Variants in LRIG1 observed in about 807,000 individuals in gnomAD.
The protein encoded by LRIG1 is leucine rich repeats and immunoglobulin like domains 1, also known as leucine-rich repeats and immunoglobulin-like domains protein 1.
A neutral mutation model predicts 99.2 loss-of-function variants in LRIG1; 48 were observed. The observed-to-expected ratio is 0.48, with a 90% CI of 0.38 to 0.62. LRIG1 has a LOEUF of 0.62. Among genes scored for constraint, LRIG1 ranks in the 20% least tolerant of loss-of-function variants. LRIG1 has a pLI of 0.00. For missense variants in LRIG1, 1,646 were observed against 1,434.4 expected (o/e 1.15, Z -2.38); for synonymous variants, 772 against 596.1 (o/e 1.29, Z -4.30).
rs371622760 is a variant in LRIG1, at chr3:66,413,033, C to G, written c.648-19G>C. 2,164 of 1,614,070 alleles carry G rather than the reference C, an allele frequency of 1.3e-3. 6 individuals are homozygous for G. The highest frequency in any genetic ancestry group is 1.7e-3 in the Non-Finnish European group (2,008 of 1,179,936). The stretch of plus-strand genomic sequence containing the variant: ...GAGGTCCCTAAAGAGATGAAGCCAG[C>G]AGGGTCAGAGTGTCTTATGTGCATA... On this transcript the variant is annotated intron_variant, in intron 5 of 18. Coordinates refer to ENST00000273261, the MANE Select transcript of LRIG1 (RefSeq NM_015541.3).
intron 2 of LRIG1, among the ~76,000 whole-genome samples, 166 bp downstream of exon 2, chr3:66,462,272 G>A (rs1260517576): frequency 2.0e-5 from 3 of 152,198 alleles, no homozygotes; most frequent in Non-Finnish European, 4.4e-5. Context: ...TACAGTAAGG[G>A]AGAGATAAGC....
At chr3:66,462,369 C>A (rs1196219838) in intron 2 of LRIG1, 69 bp downstream of exon 2, 5 of 1,126,628 alleles carry the variant, frequency 4.4e-6, no homozygotes, top group Non-Finnish European at 6.7e-6. Context: ...AGCGATGCTG[C>A]AATACAAGAG....
Position 66,431,835 on chromosome 3 carries a change from A to T in LRIG1, c.366-14569T>A, listed in dbSNP as rs966512333. On this transcript the variant is annotated intron_variant, in intron 3 of 18. Coordinates refer to ENST00000273261, the MANE Select transcript of LRIG1 (RefSeq NM_015541.3). Reference sequence around the variant, plus strand: ...GTCTGCAGCACTCACACACCTGGAGACTGTCCATGCCACCATGCTAAACCA... The same window carrying T: ...GTCTGCAGCACTCACACACCTGGAGTCTGTCCATGCCACCATGCTAAACCA... Among the ~76,000 whole-genome samples, 4 of 152,120 alleles carry T rather than the reference A, an allele frequency of 2.6e-5. No homozygotes were observed. In the South Asian group the frequency reaches 8.3e-4, roughly 32 times the overall value.
chr3:66,380,355 T>C lies in LRIG1; in HGVS notation c.3190A>G (p.Lys1064Glu). Residue 1064 changes from lysine (K) to glutamate (E), a missense_variant, in exon 19 of 19, where the codon AAA becomes GAA. Physicochemically the swap from Lys to Glu is moderately conservative, Grantham distance 56. Transcript: ENST00000273261. ...YLLVSNGHLP[K>E]ACDASPESTP... ...GACTCGGGACTGGCGTCACATGCTTTGGGGAGGTGGCCATTGGAAACAAGC... is the reference window on the plus strand; with the variant it reads ...GACTCGGGACTGGCGTCACATGCTTCGGGGAGGTGGCCATTGGAAACAAGC... The C allele has an allele frequency of 1.2e-6, 2 of 1,614,168 alleles. No individual in the cohort carries two copies. The highest frequency in any genetic ancestry group is 1.7e-6 in the Non-Finnish European group (2 of 1,180,020).
chr3:66,384,289 T>TA lies in LRIG1; in HGVS notation c.1790-18dup. 1 of 1,603,746 alleles carries TA rather than the reference T, an allele frequency of 6.2e-7. No individual in the cohort carries two copies. The highest frequency in any genetic ancestry group is 8.5e-7 in the Non-Finnish European group (1 of 1,172,164). ...ATGGCAACACTGGAAAACATACGTA[T>TA]ACAGGGTCGGGTTACGGGACAGCTA... On this transcript the variant is annotated splice_polypyrimidine_tract_variant and intron_variant, in intron 13 of 18. Transcript: ENST00000273261.
At chr3:66,395,538 AGAAAT>A (rs1395961225) in intron 11 of LRIG1, among the ~76,000 whole-genome samples, 5 of 152,242 alleles carry the variant, frequency 3.3e-5, no homozygotes, top group African/African-American at 1.2e-4. Flanking sequence ...TTCCAAAAAC[AGAAAT>A]AACTTATCTC....
chr3:66,490,181 T>C (rs979259036), intron 1 of LRIG1, among the ~76,000 whole-genome samples: 3 of 151,518 alleles, frequency 2.0e-5, no homozygotes, highest in African/African-American at 7.3e-5. Context: ...AAGCAAAGAG[T>C]CCTACACAGA....
At chr3:66,433,564 T>C (rs924868379) in intron 3 of LRIG1, among the ~76,000 whole-genome samples, 1 of 152,274 alleles carries the variant, frequency 6.6e-6, no homozygotes, top group Admixed American at 6.5e-5. Flanking sequence ...ATACCACTGA[T>C]GTGCCTTTAA....
At chr3:66,401,202 TTA>T (rs1376898752) in intron 9 of LRIG1, among the ~76,000 whole-genome samples, 1 of 152,248 alleles carries the variant, frequency 6.6e-6, no homozygotes, top group African/African-American at 2.4e-5. Context: ...TCTGAAACTT[TTA>T]TTTTAAAACA....
chr3:66,418,339 C>A (rs749542947), intron 3 of LRIG1, among the ~76,000 whole-genome samples: 1 of 152,184 alleles, frequency 6.6e-6, no homozygotes, highest in South Asian at 2.1e-4. Context: ...ATGATCCACC[C>A]GCCTTGGCCT....
chr3:66,424,356 CCCCCATGAAGG>C (rs1702911931), intron 3 of LRIG1, among the ~76,000 whole-genome samples: 1 of 152,148 alleles, frequency 6.6e-6, no homozygotes, highest in Non-Finnish European at 1.5e-5. Flanking sequence ...CTAGGTCTCC[CCCCCATGAAGG>C]TTAGAGTAAA....
At chr3:66,473,493 C>A (rs1175940149) in intron 1 of LRIG1, among the ~76,000 whole-genome samples, 1 of 152,208 alleles carries the variant, frequency 6.6e-6, no homozygotes, top group Non-Finnish European at 1.5e-5. Context: ...ATCTATAAAG[C>A]TCATATAAAA....
rs557573054 is a variant in LRIG1 at position 66,440,018 on chromosome 3, GA to G, written c.365+11540del. ...TCCCCTCCACCTGGTGAGAAAGAAAGAGGGGGAAAAAAAGGAGTGGAGGGAG... is the reference window on the plus strand; with the variant it reads ...TCCCCTCCACCTGGTGAGAAAGAAAGGGGGGAAAAAAAGGAGTGGAGGGAG... On this transcript the variant is annotated intron_variant, in intron 3 of 18. Coordinates refer to ENST00000273261, the MANE Select transcript of LRIG1 (RefSeq NM_015541.3). 3.7e-3 allele frequency among the ~76,000 whole-genome samples: 549 copies of G among 146,720 alleles called. 2 individuals carry two copies. Among genetic ancestry groups the G allele is most frequent in the African/African-American group, 0.014 (522 of 36,228 alleles).
At chr3:66,457,877 T>C (rs936934783) in intron 2 of LRIG1, among the ~76,000 whole-genome samples, 5 of 152,160 alleles carry the variant, frequency 3.3e-5, no homozygotes, top group Admixed American at 6.5e-5. Context: ...CTGGAGAACA[T>C]GGGTCAAGTT....
chr3:66,381,384 G>T, intron 17 of LRIG1, 95 bp downstream of exon 17: 1 of 1,269,284 alleles, frequency 7.9e-7, no homozygotes, highest in East Asian at 2.3e-5. Flanking sequence ...GACAGCTGTG[G>T]ACTAGGAATG....
rs546378829 is a variant in LRIG1, at chr3:66,416,388, C to T, written c.503+741G>A. On this transcript the variant is annotated intron_variant, in intron 4 of 18. Coordinates refer to ENST00000273261, the MANE Select transcript of LRIG1 (RefSeq NM_015541.3). The stretch of plus-strand genomic sequence containing the variant: ...GACCCCTAAACCAGCCTTGCGAATG[C>T]GTTCCAAAGTTAACTCTGGAACAGT... Among the ~76,000 whole-genome samples, 43 of 152,334 alleles carry T rather than the reference C, an allele frequency of 2.8e-4. No individual in the cohort carries two copies. The East Asian group carries it at 5.0e-3, about 18-fold the overall frequency.
At chr3:66,474,253 T>C (rs1292888694) in intron 1 of LRIG1, among the ~76,000 whole-genome samples, 2 of 152,108 alleles carry the variant, frequency 1.3e-5, no homozygotes, top group Non-Finnish European at 2.9e-5. Context: ...TGAAAATGAC[T>C]AGGCCACAAC....
chr3:66,421,041 C>T (rs1220482329), intron 3 of LRIG1, among the ~76,000 whole-genome samples: 1 of 152,154 alleles, frequency 6.6e-6, no homozygotes, highest in African/African-American at 2.4e-5. Flanking sequence ...TCTTATGAGA[C>T]TCATTCACTA....
rs1575741147 is a variant in LRIG1, at chr3:66,500,350, G to A, written c.58C>T (p.Leu20Phe). The part of the protein sequence containing the change: ...GAPRRSPCLL[L>F]LWLLLLRLEP... ...AGCCGAAGCAAAAGCAGCCAGAGAA[G>A]GAGAAGGCAAGGCGAGCGGCGCGGG... Residue 20 changes from leucine (L) to phenylalanine (F), a missense_variant, in exon 1 of 19, where the codon CTT becomes TTT. By Grantham distance (22) the Leu-to-Phe change is conservative. Coordinates refer to ENST00000273261, the MANE Select transcript of LRIG1 (RefSeq NM_015541.3). The A allele has an allele frequency of 7.4e-6, 11 of 1,494,388 alleles. No homozygotes were observed. In the East Asian group the frequency reaches 2.4e-4, roughly 33 times the overall value. 92.6% of individuals were successfully genotyped at this position (1,494,388 alleles called of 1,614,324 possible). A position where few individuals can be genotyped will look rare whatever the true frequency, so the allele number is the denominator to read the frequency against.
Sources: gnomAD v4.1 joint callset for allele counts (sites outside exome capture counted in the v4.1 genomes callset) on GRCh38, gnomAD v4.1.1 for gene constraint, MANE v1.5 for transcripts, NCBI Gene and HGNC (gene_info 2026-07-23, HGNC 2026-07-21) for gene names.